Variants in TDRD10 observed in about 807,000 individuals in gnomAD.
TDRD10 encodes tudor domain containing 10, also known as tudor domain-containing protein 10.
A neutral mutation model predicts 48.0 loss-of-function variants in TDRD10; 40 were observed. The ratio of observed to expected loss-of-function variants is 0.83; its 90% confidence interval spans 0.65 to 1.09. TDRD10 has a LOEUF of 1.09. Among genes scored for constraint, TDRD10 ranks in the 50% least tolerant of loss-of-function variants. The pLI, the probability that TDRD10 is intolerant of heterozygous loss-of-function variation, is 0.00. For missense variants in TDRD10, 378 were observed against 434.7 expected, an observed-to-expected ratio of 0.87 and a Z score of 1.16; for synonymous variants, 162 against 170.4, an observed-to-expected ratio of 0.95 and a Z score of 0.38.
At chr1:154,541,728 T>A (rs1695243736) in intron 6 of TDRD10, among the ~76,000 whole-genome samples, 1 of 152,188 alleles carries the variant, frequency 6.6e-6, no homozygotes, top group South Asian at 2.1e-4. Flanking sequence ...TTTCTGCCCC[T>A]GTCTGGGGAA....
intron 6 of TDRD10, among the ~76,000 whole-genome samples, chr1:154,536,192 A>G (rs1397141017): frequency 6.6e-6 from 1 of 152,196 alleles, no homozygotes; most frequent in African/African-American, 2.4e-5. Flanking sequence ...CCTGGCCAAC[A>G]TGGTGAAACC....
Position 154,507,320 on chromosome 1 carries a change from G to C in TDRD10, c.82G>C (p.Gly28Arg). ...AGTGTTGGAGGAGCAGAAATCTCCA[G>C]GTAAGTTAGGCTGGGGGATTCGCTG... ...NGVLEEQKSPGFKKRETEVYV... is the reference protein window; with the variant it reads ...NGVLEEQKSPRFKKRETEVYV... The change falls in exon 3 of 13, where the codon GGA becomes CGA. Residue 28 changes from glycine (G) to arginine (R), a missense_variant and splice_region_variant. This residue lies in a region of TDRD10 where 310 missense variants were observed against 323.6 expected (regional missense o/e 0.96). Coordinates refer to ENST00000368482, the MANE Select transcript of TDRD10 (RefSeq NM_182499.4). 6.2e-7 allele frequency: 1 copy of C among 1,614,018 alleles called. No homozygotes were observed. Among genetic ancestry groups the C allele is most frequent in the Non-Finnish European group, 8.5e-7 (1 of 1,180,000 alleles).
At chr1:154,504,425 TA>T (rs1693029497) in intron 1 of TDRD10, among the ~76,000 whole-genome samples, 1 of 152,210 alleles carries the variant, frequency 6.6e-6, no homozygotes, top group Admixed American at 6.5e-5. Context: ...ATTCCCTGTC[TA>T]ACTTTTTGAG....
At chr1:154,517,441 G>A (rs1273871909) in intron 4 of TDRD10, among the ~76,000 whole-genome samples, 1 of 137,038 alleles carries the variant, frequency 7.3e-6, no homozygotes, top group African/African-American at 2.7e-5. Flanking sequence ...TTTTTTTTGA[G>A]ACGGAGTCTC....
At chr1:154,542,145 C>A (rs977102023) in intron 7 of TDRD10, 79 bp downstream of exon 7, 2 of 1,465,814 alleles carry the variant, frequency 1.4e-6, no homozygotes, top group Admixed American at 1.8e-5. Flanking sequence ...CCTTCTGCAG[C>A]CTCCCTTCCA....
intron 8 of TDRD10, among the ~76,000 whole-genome samples, chr1:154,543,761 C>T: frequency 6.6e-6 from 1 of 152,174 alleles, no homozygotes; most frequent in East Asian, 1.9e-4. Context: ...CAGAATGGCC[C>T]TTCCTTTCCT....
rs1391082640 is a variant in TDRD10, at chr1:154,502,503, T to G, written c.-554T>G. 6.6e-6 allele frequency: 1 copy of G among 151,734 alleles called. No homozygotes were observed. The highest frequency in any genetic ancestry group is 2.4e-5 in the African/African-American group (1 of 41,294). The allele number at this position is 151,734 out of a possible 1,614,324, so 9.4% of individuals were successfully genotyped here. A position where few individuals can be genotyped will look rare whatever the true frequency, so the allele number is the denominator to read the frequency against. ...AGCCCCGCCACCTCCTGCCCAGAGC[T>G]GGGGGCGGCGGGGTGAGCGCCATGG... On this transcript the variant is annotated 5_prime_UTR_variant, in exon 1 of 13. Transcript: ENST00000368482.
At chr1:154,521,605 C>G (rs540348661) in intron 6 of TDRD10, 126 bp downstream of exon 6, 2 of 1,118,058 alleles carry the variant, frequency 1.8e-6, no homozygotes, top group African/African-American at 1.6e-5. Flanking sequence ...GGCAGGGTCT[C>G]GGGTGAAGTC....
chr1:154,508,847 A>G (rs1693292962), intron 4 of TDRD10, among the ~76,000 whole-genome samples: 1 of 152,190 alleles, frequency 6.6e-6, no homozygotes, highest in South Asian at 2.1e-4. Flanking sequence ...CAGCCAAAAA[A>G]AATGACACCT....
At chr1:154,521,593 A>G in intron 6 of TDRD10, 114 bp downstream of exon 6, 1 of 1,263,136 alleles carries the variant, frequency 7.9e-7, no homozygotes, top group South Asian at 1.5e-5. Flanking sequence ...TGTGGAGAAG[A>G]AGGCAGGGTC....
Position 154,507,332 on chromosome 1 carries a change from TG to T in TDRD10, c.82+17del. 3 of 1,613,792 alleles carry T rather than the reference TG, an allele frequency of 1.9e-6. No homozygotes were observed. The highest frequency in any genetic ancestry group is 1.7e-6 in the Non-Finnish European group (2 of 1,179,940). ...GCAGAAATCTCCAGGTAAGTTAGGC[TG>T]GGGGATTCGCTGGTGCTGGGACTCT... On this transcript the variant is annotated intron_variant, in intron 3 of 12. Coordinates refer to ENST00000368482, the MANE Select transcript of TDRD10 (RefSeq NM_182499.4).
At chr1:154,538,550 CAAAAAAAAAAAA>C (rs59257227) in intron 6 of TDRD10, among the ~76,000 whole-genome samples, 1 of 57,340 alleles carries the variant, frequency 1.7e-5, no homozygotes, top group Non-Finnish European at 3.0e-5. Flanking sequence ...AACTCTATCT[CAAAAAAAAAAAA>C]AAAAAAAAAG....
At chr1:154,504,802 A>G (rs1277921332) in intron 1 of TDRD10, among the ~76,000 whole-genome samples, 1 of 152,158 alleles carries the variant, frequency 6.6e-6, no homozygotes, top group Non-Finnish European at 1.5e-5. Context: ...AGCCTGGCCA[A>G]CATGGTGAAA....
At chr1:154,523,724 TA>T (rs1694171468) in intron 6 of TDRD10, among the ~76,000 whole-genome samples, 1 of 152,210 alleles carries the variant, frequency 6.6e-6, no homozygotes, top group South Asian at 2.1e-4. Flanking sequence ...CACTAGGTTA[TA>T]GCTTGCAGAA....
At chr1:154,524,074 C>G (rs756564109) in intron 6 of TDRD10, among the ~76,000 whole-genome samples, 11 of 151,942 alleles carry the variant, frequency 7.2e-5, no homozygotes, top group Non-Finnish European at 1.5e-4. Flanking sequence ...AAATCATTTT[C>G]TGCTAATTCC....
chr1:154,547,597 AC>A, intron 12 of TDRD10, 80 bp from the exon 13 acceptor site: 4 of 1,614,162 alleles, frequency 2.5e-6, no homozygotes, highest in Non-Finnish European at 3.4e-6. Context: ...TTTAGATCAA[AC>A]GAACTGGTTA....
chr1:154,525,722 C>T (rs1209907423), intron 6 of TDRD10, among the ~76,000 whole-genome samples: 1 of 152,022 alleles, frequency 6.6e-6, no homozygotes, highest in Admixed American at 6.6e-5. Flanking sequence ...GGCGAAACCC[C>T]ATCTCTACTA....
At chr1:154,533,891 ATATTTTT>A (rs1429738592) in intron 6 of TDRD10, among the ~76,000 whole-genome samples, 2 of 54,026 alleles carry the variant, frequency 3.7e-5, no homozygotes, top group Non-Finnish European at 9.1e-5. Flanking sequence ...ATATATATAT[ATATTTTT>A]TTTTAATTTT....
chr1:154,536,115 C>T (rs367646499), intron 6 of TDRD10, among the ~76,000 whole-genome samples: 78 of 152,322 alleles, frequency 5.1e-4, no homozygotes, highest in African/African-American at 1.3e-3. Flanking sequence ...CAGTGGCTCA[C>T]GCCTGTAATC....
Sources: gnomAD v4.1 joint callset for allele counts (sites outside exome capture counted in the v4.1 genomes callset) on GRCh38, gnomAD v4.1.1 for gene constraint, gnomAD v4.1.1 regional missense constraint, MANE v1.5 for transcripts, NCBI Gene and HGNC (gene_info 2026-07-23, HGNC 2026-07-21) for gene names.